The following QTGAL variants were observed in gnomAD, a reference collection of about 807,000 sequenced individuals.
QTGAL encodes BGnT-like protein 1.
the QTGAL span, among the ~76,000 whole-genome samples, chr17:83,024,125 G>A: frequency 1.4e-3 from 217 of 152,272 alleles, no homozygotes; most frequent in African/African-American, 4.9e-3. Flanking sequence ...AGGGGTGAAC[G>A]CACAAGAGGT....
the QTGAL span, among the ~76,000 whole-genome samples, chr17:82,970,565 TCCGCACCCG>T: frequency 7.8e-6 from 1 of 128,250 alleles, no homozygotes; most frequent in African/African-American, 3.6e-5. Context: ...GGCCGCGACC[TCCGCACCCG>T]GCGTGGCCGC....
chr17:82,969,134 GAA>G, the QTGAL span, among the ~76,000 whole-genome samples: 64,016 of 141,634 alleles, frequency 0.45, 15,397 homozygotes, highest in South Asian at 0.61. Context: ...TCCATTTCAG[GAA>G]AAAAAAAAAA....
chr17:82,984,355 A>G, the QTGAL span, among the ~76,000 whole-genome samples: 824 of 17,144 alleles, frequency 0.048, 25 homozygotes, highest in Middle Eastern at 0.056. Context: ...GAGGCCACAG[A>G]AGGACGCAGG....
the QTGAL span, among the ~76,000 whole-genome samples, chr17:83,018,851 C>A: frequency 2.6e-5 from 4 of 152,172 alleles, no homozygotes; most frequent in Non-Finnish European, 5.9e-5. Context: ...CTCCAGAGGC[C>A]GCACTGACTC....
the QTGAL span, chr17:82,965,617 G>T: frequency 6.4e-7 from 1 of 1,552,952 alleles, no homozygotes; most frequent in East Asian, 2.3e-5. Context: ...CCCGAACCTG[G>T]GGGAGGGACC....
At chr17:83,025,198 C>T in the QTGAL span, among the ~76,000 whole-genome samples, 2 of 133,298 alleles carry the variant, frequency 1.5e-5, no homozygotes, top group African/African-American at 5.7e-5. Context: ...GGAGAGTCCA[C>T]ACACACATAG....
chr17:83,050,408 CTAATT>C, the QTGAL span, among the ~76,000 whole-genome samples: 2 of 152,034 alleles, frequency 1.3e-5, no homozygotes, highest in East Asian at 3.9e-4. Context: ...AACGAGTTCC[CTAATT>C]TATTTACAAA....
the QTGAL span, among the ~76,000 whole-genome samples, chr17:82,990,548 A>G: frequency 3.9e-5 from 6 of 152,380 alleles, no homozygotes; most frequent in South Asian, 1.2e-3. Flanking sequence ...ATTGGTAACA[A>G]CTTGAAATTC....
chr17:83,043,877 A>C, the QTGAL span, among the ~76,000 whole-genome samples: 1 of 152,222 alleles, frequency 6.6e-6, no homozygotes, highest in Non-Finnish European at 1.5e-5. Context: ...TATGCCAAAA[A>C]AGTTAGATAA....
chr17:83,007,061 C>G, the QTGAL span: 1 of 430,788 alleles, frequency 2.3e-6, no homozygotes, highest in African/African-American at 2.2e-5. Context: ...TGGCGAGGAG[C>G]ATCTTTTCGC....
chr17:83,032,864 A>G, the QTGAL span, among the ~76,000 whole-genome samples: 2 of 152,198 alleles, frequency 1.3e-5, no homozygotes, highest in Admixed American at 6.5e-5. Context: ...GCCGATAAAT[A>G]TGCAGTTTTA....
the QTGAL span, chr17:83,014,321 C>G: frequency 3.1e-6 from 3 of 971,820 alleles, no homozygotes; most frequent in East Asian, 5.3e-5. Context: ...ATGCCAGCCA[C>G]AGATCCCTCT....
the QTGAL span, among the ~76,000 whole-genome samples, chr17:82,978,982 T>C: frequency 3.3e-5 from 5 of 152,254 alleles, no homozygotes; most frequent in East Asian, 5.8e-4. This position sits in a 1 kb window ranked among gnomAD's most constrained non-coding sequence, Gnocchi z 4.8. Flanking sequence ...TGATGTAGTA[T>C]GTAAAGGGAA....
the QTGAL span, among the ~76,000 whole-genome samples, chr17:83,016,241 A>G: frequency 6.6e-6 from 1 of 152,260 alleles, no homozygotes; most frequent in Non-Finnish European, 1.5e-5. Flanking sequence ...TGTACTCAAT[A>G]GCAGAAATAA....
chr17:83,024,446 G>A, the QTGAL span, among the ~76,000 whole-genome samples: 21 of 152,384 alleles, frequency 1.4e-4, 1 homozygote, highest in East Asian at 1.9e-4. Context: ...CAAGACAGGC[G>A]CGGACGTGGC....
chr17:83,051,663 A>G, the QTGAL span: 6 of 1,316,948 alleles, frequency 4.6e-6, no homozygotes, highest in Non-Finnish European at 5.9e-6. Context: ...GGAGCGAGAG[A>G]GGACTGGAGG....
the QTGAL span, among the ~76,000 whole-genome samples, chr17:83,049,472 G>C: frequency 1.3e-5 from 2 of 148,596 alleles, no homozygotes; most frequent in Non-Finnish European, 3.0e-5. Context: ...GAGTGCAGTG[G>C]CTCGATCTCG....
At chr17:82,959,677 A>C in the QTGAL span, among the ~76,000 whole-genome samples, 1 of 135,758 alleles carries the variant, frequency 7.4e-6, no homozygotes, top group Non-Finnish European at 1.6e-5. Context: ...ACAGGAAAGC[A>C]GTCAGGGCTC....
At chr17:83,027,621 G>A in the QTGAL span, among the ~76,000 whole-genome samples, 1 of 148,586 alleles carries the variant, frequency 6.7e-6, no homozygotes, top group African/African-American at 2.5e-5. Flanking sequence ...AGGATTGCTT[G>A]TGCCTGGGAG....
Sources: allele counts gnomAD v4.1 joint callset (sites outside exome capture counted in the v4.1 genomes callset), GRCh38; gene constraint gnomAD v4.1.1; non-coding constraint Gnocchi (gnomAD v3.1); transcripts MANE v1.5; gene names NCBI Gene and HGNC (gene_info 2026-07-23, HGNC 2026-07-21).